The following RTL4 variants were observed in gnomAD, a reference collection of about 807,000 sequenced individuals.
RTL4 encodes retrotransposon Gag like 4.
Under a neutral mutation model 5.3 loss-of-function variants are expected in RTL4, and 4 were observed. That is an observed-to-expected ratio of 0.75 (90% CI 0.37 to 1.72). RTL4 has a LOEUF of 1.72. Among genes scored for constraint, RTL4 ranks in the 40% most tolerant of loss-of-function variants. The pLI, the probability that RTL4 is intolerant of heterozygous loss-of-function variation, is 0.04. For missense variants in RTL4, 260 were observed against 227.1 expected, an observed-to-expected ratio of 1.14 and a Z score of -0.93; for synonymous variants, 98 against 87.3, an observed-to-expected ratio of 1.12 and a Z score of -0.68.
At chrX:112,436,266 G>A in the RTL4 span, among the ~76,000 whole-genome samples, 9 of 110,447 alleles carry the variant, frequency 8.1e-5, no homozygotes, top group Non-Finnish European at 1.5e-4. Flanking sequence ...TCTTCCTAAC[G>A]AACTTTGTTT....
the RTL4 span, among the ~76,000 whole-genome samples, chrX:112,114,179 A>G: frequency 9.0e-5 from 10 of 111,519 alleles, no homozygotes; most frequent in South Asian, 1.5e-3. Context: ...GGTGGACATC[A>G]TTGAATAATT....
At chrX:112,183,390 CCAAT>C in the RTL4 span, among the ~76,000 whole-genome samples, 3 of 111,838 alleles carry the variant, frequency 2.7e-5, no homozygotes, top group African/African-American at 9.8e-5. Flanking sequence ...AGAGCCAAGA[CCAAT>C]CAGTGTGCTG....
chrX:112,191,248 C>T, the RTL4 span, among the ~76,000 whole-genome samples: 1,565 of 111,953 alleles, frequency 0.014, 31 homozygotes, highest in African/African-American at 0.048. Flanking sequence ...TTTCATGATA[C>T]TTCCCTCCCA....
chrX:112,205,048 TG>T, the RTL4 span, among the ~76,000 whole-genome samples: 1 of 112,426 alleles, frequency 8.9e-6, no homozygotes, highest in African/African-American at 3.2e-5. Context: ...TGCTGATATC[TG>T]TTTACTTTTA....
At chrX:112,346,132 AC>A in the RTL4 span, among the ~76,000 whole-genome samples, 1 of 111,840 alleles carries the variant, frequency 8.9e-6, no homozygotes, top group African/African-American at 3.2e-5. Context: ...AATGGGGGTA[AC>A]TTTTTTCTCT....
chrX:112,291,367 TACACACACACACACAC>T, the RTL4 span, among the ~76,000 whole-genome samples: 403 of 95,408 alleles, frequency 4.2e-3, 3 homozygotes, highest in African/African-American at 0.013. Flanking sequence ...TGTATGTTTG[TACACACACACACACAC>T]ACACACACAC....
the RTL4 span, among the ~76,000 whole-genome samples, chrX:112,401,300 C>G: frequency 9.0e-6 from 1 of 111,062 alleles, no homozygotes; most frequent in Admixed American, 9.6e-5. Flanking sequence ...ATCTATATGT[C>G]TCTATTCTTA....
chrX:112,380,750 G>C, the RTL4 span, among the ~76,000 whole-genome samples: 1 of 112,154 alleles, frequency 8.9e-6, no homozygotes, highest in African/African-American at 3.2e-5. Flanking sequence ...TCTTAGCGTC[G>C]GGCAGGGCTG....
the RTL4 span, among the ~76,000 whole-genome samples, chrX:112,241,232 G>T: frequency 5.4e-5 from 6 of 111,080 alleles, no homozygotes; most frequent in African/African-American, 2.0e-4. Context: ...TGGGTCAAAT[G>T]GTATTTCTAG....
At chrX:112,388,614 A>G in the RTL4 span, among the ~76,000 whole-genome samples, 133 of 112,031 alleles carry the variant, frequency 1.2e-3, no homozygotes, top group African/African-American at 4.2e-3. Flanking sequence ...GAGAGATTTT[A>G]ACATGAAGGG....
the RTL4 span, among the ~76,000 whole-genome samples, chrX:112,243,261 A>G: frequency 4.7e-4 from 53 of 111,660 alleles, no homozygotes; most frequent in South Asian, 0.013. Context: ...GAATAGTTTC[A>G]GAAGTAATGG....
chrX:112,181,955 C>T, the RTL4 span, among the ~76,000 whole-genome samples: 2 of 111,314 alleles, frequency 1.8e-5, no homozygotes, highest in Non-Finnish European at 3.8e-5. Context: ...CTGGCAGGTG[C>T]CCCTCTGGGA....
the RTL4 span, among the ~76,000 whole-genome samples, chrX:112,206,313 C>A: frequency 9.8e-4 from 109 of 111,711 alleles, no homozygotes; most frequent in African/African-American, 3.5e-3. Context: ...AATATAGGAG[C>A]CAGCCAGGTG....
the RTL4 span, among the ~76,000 whole-genome samples, chrX:112,330,173 G>A: frequency 1.2e-4 from 12 of 103,237 alleles, no homozygotes; most frequent in African/African-American, 4.4e-4. Context: ...AATTAGGCAG[G>A]AGAAGGAAAT....
the RTL4 span, among the ~76,000 whole-genome samples, chrX:112,084,787 G>C: frequency 5.4e-5 from 6 of 111,248 alleles, no homozygotes; most frequent in Non-Finnish European, 1.1e-4. Flanking sequence ...CTTGTGAGCT[G>C]TTTCCTTCAA....
the RTL4 span, among the ~76,000 whole-genome samples, chrX:112,168,068 C>T: frequency 9.0e-6 from 1 of 111,467 alleles, no homozygotes; most frequent in Admixed American, 9.5e-5. Context: ...TGCTGATAGG[C>T]TTATTTCTTC....
chrX:112,197,895 G>C, the RTL4 span, among the ~76,000 whole-genome samples: 1 of 112,125 alleles, frequency 8.9e-6, no homozygotes, highest in African/African-American at 3.2e-5. Context: ...CCTGGAAACA[G>C]AAGTCCCAAA....
the RTL4 span, among the ~76,000 whole-genome samples, chrX:112,182,297 C>G: frequency 8.9e-6 from 1 of 111,771 alleles, no homozygotes; most frequent in East Asian, 2.8e-4. Context: ...ATCATAACTC[C>G]TTACAAGCAA....
chrX:112,198,377 A>G, the RTL4 span, among the ~76,000 whole-genome samples: 1 of 111,586 alleles, frequency 9.0e-6, no homozygotes, highest in East Asian at 2.8e-4. Context: ...TACGTGTCAT[A>G]TAGTAGGCTC....
Sources: allele counts gnomAD v4.1 joint callset (sites outside exome capture counted in the v4.1 genomes callset), GRCh38; gene constraint gnomAD v4.1.1; transcripts MANE v1.5; gene names NCBI Gene and HGNC (gene_info 2026-07-23, HGNC 2026-07-21).